Variants in GPR141 observed in about 807,000 individuals in gnomAD.
GPR141 encodes G protein-coupled receptor 141, also known as probable G protein-coupled receptor 141.
GPR141 carries 6 observed loss-of-function variants against 6.8 expected under a neutral mutation model. That is an observed-to-expected ratio of 0.88 (90% CI 0.48 to 1.74). GPR141 has a LOEUF of 1.74. Ranked by LOEUF, GPR141 falls within the 40% of genes most tolerant of loss-of-function variation. The probability of loss-of-function intolerance (pLI) is 0.01; values close to 1 mark genes in which losing one functional copy is unlikely to be tolerated. For missense variants in GPR141, 372 were observed against 372.9 expected (o/e 1.00, Z 0.02); for synonymous variants, 140 against 142.3 (o/e 0.98, Z 0.11).
intron 2 of GPR141, among the ~76,000 whole-genome samples, chr7:37,730,319 G>A (rs886701116): frequency 6.6e-6 from 1 of 152,128 alleles, no homozygotes; most frequent in African/African-American, 2.4e-5. Context: ...GTGTGAGGTG[G>A]ATCTCTAAAT....
intron 2 of GPR141, among the ~76,000 whole-genome samples, chr7:37,698,571 G>A (rs763785844): frequency 1.3e-5 from 2 of 152,178 alleles, no homozygotes; most frequent in Non-Finnish European, 2.9e-5. Flanking sequence ...GATTTGCTAT[G>A]TATTGGATGC....
At chr7:37,726,673 G>C (rs1811645432) in intron 2 of GPR141, among the ~76,000 whole-genome samples, 1 of 152,102 alleles carries the variant, frequency 6.6e-6, no homozygotes, top group Admixed American at 6.5e-5. Flanking sequence ...AAAGCATGCT[G>C]CCTTTATCCT....
chr7:37,688,498 G>A (rs1300947502), intron 2 of GPR141, among the ~76,000 whole-genome samples: 1 of 152,164 alleles, frequency 6.6e-6, no homozygotes, highest in Non-Finnish European at 1.5e-5. Flanking sequence ...AAAACTGACA[G>A]TTAGAGAATG....
At chr7:37,724,695 T>C (rs1485876473) in intron 2 of GPR141, among the ~76,000 whole-genome samples, 2 of 152,212 alleles carry the variant, frequency 1.3e-5, no homozygotes, top group Non-Finnish European at 2.9e-5. Flanking sequence ...AAACTATAAT[T>C]CGTTCTAAGG....
At chr7:37,694,976 G>A (rs991798085) in intron 2 of GPR141, among the ~76,000 whole-genome samples, 1 of 152,162 alleles carries the variant, frequency 6.6e-6, no homozygotes, top group African/African-American at 2.4e-5. Flanking sequence ...TTTCCCAGCA[G>A]GCAGTGTACA....
rs962377920 is a variant in GPR141 at position 37,743,087 on chromosome 7, G to A, written c.*1776G>A. 6.6e-6 allele frequency among the ~76,000 whole-genome samples: 1 copy of A among 151,930 alleles called. No individual in the cohort carries two copies. The highest frequency in any genetic ancestry group is 2.4e-5 in the African/African-American group (1 of 41,358). ...AGTGTTTTATCTTAAAATTTTCCCA[G>A]GATCTGATCCAGTTTCATATTTAAT... On this transcript the variant is annotated 3_prime_UTR_variant, in exon 3 of 3. Coordinates refer to ENST00000334425, the MANE Select transcript of GPR141 (RefSeq NM_001381946.1).
chr7:37,706,130 G>A (rs1810510775), intron 2 of GPR141, among the ~76,000 whole-genome samples: 1 of 152,162 alleles, frequency 6.6e-6, no homozygotes, highest in African/African-American at 2.4e-5. Context: ...GGCCTGCATG[G>A]TGTTTACACA....
chr7:37,733,550 T>C (rs1812080065), intron 2 of GPR141, among the ~76,000 whole-genome samples: 1 of 151,018 alleles, frequency 6.6e-6, no homozygotes, highest in African/African-American at 2.4e-5. Context: ...CAGGCACCTG[T>C]AATCCCAGCT....
At chr7:37,700,385 G>A (rs77758854) in intron 2 of GPR141, among the ~76,000 whole-genome samples, 6 of 151,986 alleles carry the variant, frequency 3.9e-5, no homozygotes, top group Admixed American at 2.0e-4. Flanking sequence ...TTCTTCTTTC[G>A]GCAAAGCATA....
intron 2 of GPR141, among the ~76,000 whole-genome samples, chr7:37,712,277 A>T (rs1810835783): frequency 6.6e-6 from 1 of 152,208 alleles, no homozygotes; most frequent in Non-Finnish European, 1.5e-5. Flanking sequence ...GATCCCCTTG[A>T]TAACAGTGAC....
chr7:37,700,565 A>G (rs955812075), intron 2 of GPR141, among the ~76,000 whole-genome samples: 2 of 152,212 alleles, frequency 1.3e-5, no homozygotes, highest in African/African-American at 2.4e-5. Flanking sequence ...GGAATTTTCA[A>G]CTAGAATCTC....
At chr7:37,697,562 G>A (rs1243178187) in intron 2 of GPR141, among the ~76,000 whole-genome samples, 2 of 152,230 alleles carry the variant, frequency 1.3e-5, no homozygotes, top group Non-Finnish European at 2.9e-5. Flanking sequence ...AGTTACGGAT[G>A]TGGACCCTGA....
chr7:37,719,350 G>C (rs890887281), intron 2 of GPR141, among the ~76,000 whole-genome samples: 3 of 152,300 alleles, frequency 2.0e-5, no homozygotes, highest in African/African-American at 7.2e-5. Flanking sequence ...CAGACTCAGT[G>C]ATAAGTTTTT....
intron 2 of GPR141, among the ~76,000 whole-genome samples, chr7:37,696,764 T>C (rs140627482): frequency 5.5e-4 from 84 of 152,272 alleles, no homozygotes; most frequent in Middle Eastern, 3.4e-3. Context: ...CTTAAAATTT[T>C]GGCATGAGAT....
intron 2 of GPR141, among the ~76,000 whole-genome samples, chr7:37,725,036 A>G (rs1395068585): frequency 6.6e-6 from 1 of 151,934 alleles, no homozygotes; most frequent in Non-Finnish European, 1.5e-5. Flanking sequence ...AAATGGGTGC[A>G]CTGGATGCTA....
At chr7:37,686,778 G>A (rs79039548) in intron 2 of GPR141, among the ~76,000 whole-genome samples, 2,049 of 152,120 alleles carry the variant, frequency 0.013, 52 homozygotes, top group African/African-American at 0.047. Flanking sequence ...CAAAATAATT[G>A]GCCAACTCAA....
rs759017142 is a variant in GPR141 at position 37,740,550 on chromosome 7, A to T, written c.157A>T (p.Met53Leu). 6.2e-7 allele frequency: 1 copy of T among 1,614,134 alleles called. No individual in the cohort carries two copies. The highest frequency in any genetic ancestry group is 1.7e-5 in the Admixed American group (1 of 60,020). The change falls in exon 3 of 3, where the codon ATG becomes TTG. Residue 53 changes from methionine to leucine, a missense_variant. By Grantham distance (15) the Met-to-Leu change is conservative. Transcript: ENST00000334425. ...VKMNTRSVTT[M>L]AVINLVVVHS... ...AATGAACACCCGGTCAGTGACCACC[A>T]TGGCGGTCATTAACTTGGTGGTGGT...
At chr7:37,702,469 T>C (rs140939745) in intron 2 of GPR141, among the ~76,000 whole-genome samples, 240 of 152,172 alleles carry the variant, frequency 1.6e-3, no homozygotes, top group African/African-American at 5.5e-3. Context: ...ATACACTCTA[T>C]TTTTACTCTT....
rs1812599683 is a variant in GPR141, at chr7:37,742,207, AC to A, written c.*897del. ...ATTTTTAGGGGGGACAGAAAGTTAT[AC>A]TGAAATCTTTAGAGCTCCCTTCCGC... On this transcript the variant is annotated 3_prime_UTR_variant, in exon 3 of 3. Transcript: ENST00000334425. Among the ~76,000 whole-genome samples, 1 of 152,032 alleles carries A rather than the reference AC, an allele frequency of 6.6e-6. No homozygotes were observed. The highest frequency in any genetic ancestry group is 2.4e-5 in the African/African-American group (1 of 41,404).
Sources: gnomAD v4.1 joint callset for allele counts (sites outside exome capture counted in the v4.1 genomes callset) on GRCh38, gnomAD v4.1.1 for gene constraint, MANE v1.5 for transcripts, NCBI Gene and HGNC (gene_info 2026-07-23, HGNC 2026-07-21) for gene names.